Variants in SNTG1 observed in about 807,000 individuals in gnomAD.
The protein encoded by SNTG1 is syntrophin gamma 1.
A neutral mutation model predicts 74.7 loss-of-function variants in SNTG1; 39 were observed. The observed-to-expected ratio is 0.52, with a 90% CI of 0.40 to 0.68. The LOEUF (loss-of-function observed/expected upper bound fraction) is 0.68, where lower values mean the gene tolerates loss of function less well. Ranked by LOEUF, SNTG1 falls within the 30% of genes least tolerant of loss-of-function variation. SNTG1 has a pLI of 0.00. For synonymous variants in SNTG1, 254 were observed against 217.1 expected, an observed-to-expected ratio of 1.17 and a Z score of -1.49; for missense variants, 685 against 609.5, an observed-to-expected ratio of 1.12 and a Z score of -1.30.
At chr8:50,639,556 A>G (rs1241405722) in intron 13 of SNTG1, among the ~76,000 whole-genome samples, 1 of 152,036 alleles carries the variant, frequency 6.6e-6, no homozygotes, top group Non-Finnish European at 1.5e-5. Context: ...GTACTAACAC[A>G]TATGTTATTG....
At chr8:50,457,863 A>T (rs900488996) in intron 8 of SNTG1, 3 of 152,268 alleles carry the variant, frequency 2.0e-5, no homozygotes, top group African/African-American at 7.2e-5. Flanking sequence ...AAGTACAGCG[A>T]AAGGTACATT....
chr8:50,736,723 CT>C (rs2095529794), intron 17 of SNTG1, among the ~76,000 whole-genome samples: 1 of 152,084 alleles, frequency 6.6e-6, no homozygotes, highest in Non-Finnish European at 1.5e-5. Context: ...TCATAACAGT[CT>C]CTCAGACCAC....
intron 2 of SNTG1, among the ~76,000 whole-genome samples, chr8:50,332,109 T>C (rs1001970987): frequency 1.3e-5 from 2 of 152,214 alleles, no homozygotes; most frequent in Non-Finnish European, 2.9e-5. Context: ...TTCTTGACTA[T>C]TGAGCTGTGG....
intron 2 of SNTG1, among the ~76,000 whole-genome samples, chr8:50,234,966 G>A (rs1193723735): frequency 6.6e-6 from 1 of 152,096 alleles, no homozygotes; most frequent in African/African-American, 2.4e-5. Context: ...GACAAAATCA[G>A]TGTGAGGAAA....
chr8:50,365,939 T>A (rs1313961022), intron 2 of SNTG1, among the ~76,000 whole-genome samples: 1 of 152,172 alleles, frequency 6.6e-6, no homozygotes, highest in African/African-American at 2.4e-5. Flanking sequence ...GCAGCTGACA[T>A]AAAAGCAATT....
chr8:50,696,382 G>T (rs1205965009), intron 15 of SNTG1, among the ~76,000 whole-genome samples: 1 of 152,042 alleles, frequency 6.6e-6, no homozygotes, highest in East Asian at 1.9e-4. Flanking sequence ...TCTCTTAGTT[G>T]CATGGCTTGA....
intron 1 of SNTG1, among the ~76,000 whole-genome samples, chr8:50,057,080 G>A (rs1563531960): frequency 2.6e-5 from 4 of 152,192 alleles, no homozygotes; most frequent in Middle Eastern, 3.4e-3. Flanking sequence ...ACACAATTTC[G>A]AGGAAATATT....
rs16914081 is a variant in SNTG1 at position 49,952,670 on chromosome 8, G to A, written c.-103+40439G>A. Among the ~76,000 whole-genome samples, 100 of 152,322 alleles carry A rather than the reference G, an allele frequency of 6.6e-4. 1 individual carries two copies. The East Asian group carries it at 0.019, about 29-fold the overall frequency. ...TCTGACTTGGGATGAGGCAGTGATA[G>A]GATTGTGCAGAGGCTGATGCCACAC... On this transcript the variant is annotated intron_variant, in intron 1 of 18. Transcript: ENST00000642720.
chr8:50,467,526 C>T, intron 8 of SNTG1, among the ~76,000 whole-genome samples: 1 of 151,800 alleles, frequency 6.6e-6, no homozygotes, highest in Non-Finnish European at 1.5e-5. Context: ...ATCTTTCTCT[C>T]TTTATTTCTT....
intron 2 of SNTG1, among the ~76,000 whole-genome samples, chr8:50,198,401 G>A (rs1259640978): frequency 6.6e-6 from 1 of 152,160 alleles, no homozygotes; most frequent in Non-Finnish European, 1.5e-5. Context: ...AAATAGGATA[G>A]GCAATCATTT....
intron 1 of SNTG1, among the ~76,000 whole-genome samples, chr8:50,097,508 C>T (rs903760074): frequency 6.6e-6 from 1 of 151,814 alleles, no homozygotes; most frequent in African/African-American, 2.4e-5. Context: ...GGAGAGAGGC[C>T]GGGCGCAGTG....
At chr8:50,224,899 G>C (rs937762152) in intron 2 of SNTG1, among the ~76,000 whole-genome samples, 1 of 152,208 alleles carries the variant, frequency 6.6e-6, no homozygotes, top group Non-Finnish European at 1.5e-5. Flanking sequence ...ACATTCTAGA[G>C]AGAATCCCCT....
At chr8:50,777,838 G>A (rs576390927) in intron 18 of SNTG1, among the ~76,000 whole-genome samples, 1 of 152,132 alleles carries the variant, frequency 6.6e-6, no homozygotes, top group East Asian at 1.9e-4. Context: ...ATCTCCTAAA[G>A]CTATCCCTCC....
chr8:49,923,435 T>G (rs1268851531), intron 1 of SNTG1, among the ~76,000 whole-genome samples: 1 of 152,162 alleles, frequency 6.6e-6, no homozygotes, highest in African/African-American at 2.4e-5. Context: ...ATAGCCTATT[T>G]TCTTCTGAGG....
intron 2 of SNTG1, among the ~76,000 whole-genome samples, chr8:50,287,318 A>G (rs79000189): frequency 8.8e-4 from 134 of 152,220 alleles, no homozygotes; most frequent in African/African-American, 3.1e-3. Flanking sequence ...TTTTCTTCCA[A>G]TGTTGTTCTT....
At chr8:50,730,606 G>C (rs1026594156) in intron 17 of SNTG1, among the ~76,000 whole-genome samples, 12 of 152,112 alleles carry the variant, frequency 7.9e-5, no homozygotes, top group Non-Finnish European at 1.5e-4. Flanking sequence ...TACCATTAAT[G>C]GCATTGAAAA....
At chr8:50,178,481 A>G (rs2131697270) in intron 2 of SNTG1, among the ~76,000 whole-genome samples, 1 of 152,216 alleles carries the variant, frequency 6.6e-6, no homozygotes, top group East Asian at 1.9e-4. Context: ...TTTGAAATTA[A>G]CAAGTTGGGA....
chr8:50,623,412 T>C (rs1265052578), intron 13 of SNTG1, among the ~76,000 whole-genome samples: 1 of 152,148 alleles, frequency 6.6e-6, no homozygotes, highest in Non-Finnish European at 1.5e-5. Context: ...TCAAATGTAA[T>C]TTTTCTTCAA....
At chr8:49,917,889 G>C (rs1311189575) in intron 1 of SNTG1, among the ~76,000 whole-genome samples, 1 of 152,146 alleles carries the variant, frequency 6.6e-6, no homozygotes, top group Non-Finnish European at 1.5e-5. Flanking sequence ...ACTCAGCTCT[G>C]CTCAGTTAGA....
Sources: allele counts gnomAD v4.1 joint callset (sites outside exome capture counted in the v4.1 genomes callset), GRCh38; gene constraint gnomAD v4.1.1; transcripts MANE v1.5; gene names NCBI Gene and HGNC (gene_info 2026-07-23, HGNC 2026-07-21).